VPS4A: variants seen among roughly 807,000 people sequenced by gnomAD.
VPS4A encodes vacuolar protein sorting 4 homolog A, also known as vacuolar protein sorting-associated protein 4A.
A neutral mutation model predicts 52.3 loss-of-function variants in VPS4A; 20 were observed. That is an observed-to-expected ratio of 0.38 (90% CI 0.27 to 0.56). The LOEUF is 0.56. VPS4A is among the 20% of genes least tolerant of loss of function. VPS4A has a pLI of 0.72. For missense variants in VPS4A, 419 were observed against 575.9 expected (o/e 0.73, Z 2.79); for synonymous variants, 293 against 227.7 (o/e 1.29, Z -2.58).
intron 1 of VPS4A, among the ~76,000 whole-genome samples, chr16:69,315,060 T>G (rs534676853): frequency 1.2e-3 from 177 of 152,062 alleles, no homozygotes; most frequent in Admixed American, 3.6e-3. Flanking sequence ...ATGGTGAAAC[T>G]CTGTCTGCAC....
chr16:69,322,386 C>A, intron 9 of VPS4A, 174 bp from the exon 10 acceptor site: 1 of 573,474 alleles, frequency 1.7e-6, no homozygotes, highest in Non-Finnish European at 3.0e-6. Flanking sequence ...TGCCAGAGTC[C>A]CATGCAAATC....
At chr16:69,319,621 C>A in intron 6 of VPS4A, 78 bp downstream of exon 6, 1 of 1,528,410 alleles carries the variant, frequency 6.5e-7, no homozygotes, top group Non-Finnish European at 8.8e-7. Flanking sequence ...TGTGGAGTCA[C>A]CTCTCAGAGG....
intron 5 of VPS4A, 146 bp from the exon 6 acceptor site, chr16:69,319,241 A>C: frequency 2.5e-6 from 3 of 1,196,942 alleles, no homozygotes; most frequent in Non-Finnish European, 3.5e-6. Flanking sequence ...ACAGCAGGGA[A>C]TGTAGCTCCC....
chr16:69,313,408 CCTCT>C (rs547212611), intron 1 of VPS4A, among the ~76,000 whole-genome samples: 2 of 152,006 alleles, frequency 1.3e-5, no homozygotes, highest in Non-Finnish European at 2.9e-5. Flanking sequence ...ACCCACAACC[CCTCT>C]CTCTCCCAGC....
Position 69,324,305 on chromosome 16 carries a change from G to C in VPS4A, c.1310G>C (p.Ser437Thr), listed in dbSNP as rs1475705740. The change falls in exon 11 of 11, where the codon AGT becomes ACT. Residue 437 changes from serine to threonine, a missense_variant. Transcript: ENST00000254950. Reference protein sequence around the residue: ...KKFSEDFGQES With the variant: ...KKFSEDFGQET ...TTCTCAGAGGACTTTGGGCAAGAGAGTTAAAAGCTGCTTCACTTGGGCAAT... is the reference window on the plus strand; with the variant it reads ...TTCTCAGAGGACTTTGGGCAAGAGACTTAAAAGCTGCTTCACTTGGGCAAT... 6.2e-7 allele frequency: 1 copy of C among 1,613,546 alleles called. No homozygotes were observed.
At chr16:69,322,519 A>T in intron 9 of VPS4A, 41 bp from the exon 10 acceptor site, 1 of 1,583,324 alleles carries the variant, frequency 6.3e-7, no homozygotes, top group Non-Finnish European at 8.6e-7. Context: ...CCCCTCTGAC[A>T]CTGAGGGGCA....
Position 69,322,627 on chromosome 16 carries a change from G to C in VPS4A, c.1139G>C (p.Gly380Ala), listed in dbSNP as rs1362710787. The change falls in exon 10 of 11, where the codon GGG becomes GCG. Residue 380 changes from glycine to alanine, a missense_variant. Transcript: ENST00000254950. ...GACCTCCTGACTCCATGCTCACCAG[G>C]GGACCCAGGAGCCATGGAGATGACT... ...IDDLLTPCSP[G>A]DPGAMEMTWM... 1 of 1,613,900 alleles carries C rather than the reference G, an allele frequency of 6.2e-7. No individual in the cohort carries two copies. Among genetic ancestry groups the C allele is most frequent in the Non-Finnish European group, 8.5e-7 (1 of 1,179,856 alleles).
chr16:69,314,828 G>A (rs1965416658), intron 1 of VPS4A, among the ~76,000 whole-genome samples: 1 of 152,172 alleles, frequency 6.6e-6, no homozygotes, highest in Admixed American at 6.6e-5. Flanking sequence ...TGGGTCTGCG[G>A]TGGGACTGCC....
intron 6 of VPS4A, 148 bp downstream of exon 6, chr16:69,319,691 GAC>G (rs1433486818): frequency 9.0e-7 from 1 of 1,115,586 alleles, no homozygotes; most frequent in Admixed American, 2.7e-5. Flanking sequence ...TATCGGCTGG[GAC>G]ACAGTCCCAA....
rs1171257775 is a variant in VPS4A, at chr16:69,312,125, G to T, written c.21+593G>T. Among the ~76,000 whole-genome samples the T allele has an allele frequency of 2.6e-5, 4 of 152,220 alleles. No homozygotes were observed. The East Asian group carries it at 7.7e-4, about 29-fold the overall frequency. ...GGCCAGAAGAGATCAACATGCTCAG[G>T]CCTCATTCCGGGGTTTGAATCTCAG... On this transcript the variant is annotated intron_variant, in intron 1 of 10. Transcript: ENST00000254950.
In VPS4A at chr16:69,324,479, C is replaced by CAGAG; in HGVS notation, c.*172_*175dup. 1 of 678,304 alleles carries CAGAG rather than the reference C, an allele frequency of 1.5e-6. No individual in the cohort carries two copies. Among genetic ancestry groups the CAGAG allele is most frequent in the Admixed American group, 2.3e-5 (1 of 42,700 alleles). 42.0% of individuals were successfully genotyped at this position (678,304 alleles called of 1,614,324 possible). On this transcript the variant is annotated 3_prime_UTR_variant, in exon 11 of 11. Coordinates refer to ENST00000254950, the MANE Select transcript of VPS4A (RefSeq NM_013245.3). Reference sequence around the variant, plus strand: ...GCCAGAAGGAAGGGCCTTGCAGCCACAGAGACACTCCACTGCCCTGGGGCA... The same window carrying CAGAG: ...GCCAGAAGGAAGGGCCTTGCAGCCACAGAGAGAGACACTCCACTGCCCTGGGGCA...
Position 69,321,282 on chromosome 16 carries a change from C to T in VPS4A, c.1071+12C>T, listed in dbSNP as rs746527959. 11 of 1,548,898 alleles carry T rather than the reference C, an allele frequency of 7.1e-6. No homozygotes were observed. The highest frequency in any genetic ancestry group is 2.4e-5 in the East Asian group (1 of 40,914). On this transcript the variant is annotated intron_variant, in intron 9 of 10. Coordinates refer to ENST00000254950, the MANE Select transcript of VPS4A (RefSeq NM_013245.3). The surrounding 1 kb of genome is among the most constrained non-coding windows in gnomAD (Gnocchi z 4.5). ...CACACTTCAAAAAGGTGAGTGCCCGCGGCCACTGCTGAGAAAAATCTCATA... is the reference window on the plus strand; with the variant it reads ...CACACTTCAAAAAGGTGAGTGCCCGTGGCCACTGCTGAGAAAAATCTCATA...
At chr16:69,314,248 T>C (rs1965410251) in intron 1 of VPS4A, among the ~76,000 whole-genome samples, 1 of 152,156 alleles carries the variant, frequency 6.6e-6, no homozygotes, top group Non-Finnish European at 1.5e-5. Context: ...ATTACAGGCA[T>C]GAGCCACCGT....
intron 5 of VPS4A, 64 bp downstream of exon 5, chr16:69,319,006 C>T (rs1965474989): frequency 1.5e-5 from 24 of 1,580,014 alleles, no homozygotes; most frequent in East Asian, 4.5e-5. Flanking sequence ...GCTGGCACTC[C>T]GAGGCACCCG....
intron 10 of VPS4A, 93 bp downstream of exon 10, chr16:69,322,793 G>A: frequency 6.8e-7 from 1 of 1,481,334 alleles, no homozygotes; most frequent in Non-Finnish European, 9.1e-7. Flanking sequence ...CTCCAGGCCA[G>A]GCATGGTAGC....
In VPS4A at chr16:69,321,523, G is replaced by A. The variant is rs532165862; in HGVS notation, c.1071+253G>A. On this transcript the variant is annotated intron_variant, in intron 9 of 10. Coordinates refer to ENST00000254950, the MANE Select transcript of VPS4A (RefSeq NM_013245.3). The surrounding 1 kb of genome is among the most constrained non-coding windows in gnomAD (Gnocchi z 4.5). ...CACTTTACTGTCTTAACCCTGCTGCGGCCTCCTCCGTCAGCACTGTGTGCT... is the reference window on the plus strand; with the variant it reads ...CACTTTACTGTCTTAACCCTGCTGCAGCCTCCTCCGTCAGCACTGTGTGCT... 3.4e-5 allele frequency: 18 copies of A among 531,180 alleles called. No individual in the cohort carries two copies. Among genetic ancestry groups the A allele is most frequent in the Non-Finnish European group, 4.4e-5 (13 of 293,878 alleles). 32.9% of individuals were successfully genotyped at this position (531,180 alleles called of 1,614,324 possible). A position where few individuals can be genotyped will look rare whatever the true frequency, so the allele number is the denominator to read the frequency against.
rs1454487775 is a variant in VPS4A at position 69,325,728 on chromosome 16, G to A, written c.*1419G>A. On this transcript the variant is annotated 3_prime_UTR_variant, in exon 11 of 11. Coordinates refer to ENST00000254950, the MANE Select transcript of VPS4A (RefSeq NM_013245.3). ...AGCCTGGGCGACAGAGCAAGACTCT[G>A]TCTCAAAAAAAAAAAAAAAGTCGAG... 2 of 135,610 alleles carry A rather than the reference G, an allele frequency of 1.5e-5. No individual in the cohort carries two copies. The highest frequency in any genetic ancestry group is 5.7e-5 in the African/African-American group (2 of 35,212). 8.4% of individuals were successfully genotyped at this position (135,610 alleles called of 1,614,324 possible). A position where few individuals can be genotyped will look rare whatever the true frequency, so the allele number is the denominator to read the frequency against.
rs1965375007 is a variant in VPS4A at position 69,311,408 on chromosome 16, C to T, written c.-104C>T. On this transcript the variant is annotated 5_prime_UTR_variant, in exon 1 of 11. Transcript: ENST00000254950. ...CCCTGCCCGCGCACCGCGCTCAGCG[C>T]CCACCGCCGGGCTTCCCGCGCCGGA... 19 of 1,189,524 alleles carry T rather than the reference C, an allele frequency of 1.6e-5. No individual in the cohort carries two copies. The highest frequency in any genetic ancestry group is 4.4e-5 in the Admixed American group (1 of 22,574). 73.7% of individuals were successfully genotyped at this position (1,189,524 alleles called of 1,614,324 possible).
rs1228835794 is a variant in VPS4A, at chr16:69,325,846, C to G, written c.*1537C>G. On this transcript the variant is annotated 3_prime_UTR_variant, in exon 11 of 11. Coordinates refer to ENST00000254950, the MANE Select transcript of VPS4A (RefSeq NM_013245.3). ...TCATGGGGCAGCCTGTCAGCGGCCA[C>G]TAAGTAGAGGCTGCTCTGTACAGAA... is the stretch of plus-strand genomic sequence containing the variant. 6.6e-6 allele frequency: 1 copy of G among 152,164 alleles called. No individual in the cohort carries two copies. 9.4% of individuals were successfully genotyped at this position (152,164 alleles called of 1,614,324 possible). A position where few individuals can be genotyped will look rare whatever the true frequency, so the allele number is the denominator to read the frequency against.
Sources: gnomAD v4.1 joint callset for allele counts (sites outside exome capture counted in the v4.1 genomes callset) on GRCh38, gnomAD v4.1.1 for gene constraint, Gnocchi (gnomAD v3.1) non-coding constraint, MANE v1.5 for transcripts, NCBI Gene and HGNC (gene_info 2026-07-23, HGNC 2026-07-21) for gene names.